Variants in GABRQ observed in about 807,000 individuals in gnomAD.
GABRQ encodes gamma-aminobutyric acid receptor subunit theta.
In GABRQ, 19 loss-of-function variants were observed where a neutral mutation model predicts 30.5. The ratio of observed to expected loss-of-function variants is 0.62; its 90% confidence interval spans 0.43 to 0.91. The LOEUF (loss-of-function observed/expected upper bound fraction) is 0.91, where lower values mean the gene tolerates loss of function less well. Ranked by LOEUF, GABRQ falls within the 40% of genes least tolerant of loss-of-function variation. GABRQ has a pLI of 0.00. For missense variants in GABRQ, 520 were observed against 521.4 expected, an observed-to-expected ratio of 1.00 and a Z score of 0.03; for synonymous variants, 187 against 210.2, an observed-to-expected ratio of 0.89 and a Z score of 0.95.
At position 152,656,422 on chromosome X, in the gene GABRQ, G is replaced by A. The variant is rs899939699; in HGVS notation, c.*3141G>A. ...CCTTCCCATCGACTTCCCCGACCCA[G>A]GATCCCTTCTTTGCCACTATCATGG... On this transcript the variant is annotated 3_prime_UTR_variant, in exon 9 of 9. Transcript: ENST00000598523. 3 of 111,749 alleles carry A rather than the reference G, an allele frequency of 2.7e-5. No individual in the cohort carries two copies. In the East Asian group the frequency reaches 8.5e-4, roughly 31 times the overall value. 9.2% of individuals were successfully genotyped at this position (111,749 alleles called of 1,213,427 possible).
intron 6 of GABRQ, among the ~76,000 whole-genome samples, 176 bp downstream of exon 6, chrX:152,650,055 G>A (rs187633105): frequency 2.9e-4 from 32 of 111,548 alleles, no homozygotes; most frequent in Admixed American, 3.8e-4. Context: ...AGGAATGGCC[G>A]TGGAAGCACT....
chrX:152,643,295 A>T (rs1556818659), intron 2 of GABRQ, among the ~76,000 whole-genome samples: 2 of 112,599 alleles, frequency 1.8e-5, no homozygotes, highest in African/African-American at 6.5e-5. Context: ...ACCCCAACAC[A>T]GAGGCTCATT....
chrX:152,643,497 A>G (rs1930807018), intron 2 of GABRQ, among the ~76,000 whole-genome samples: 1 of 112,371 alleles, frequency 8.9e-6, no homozygotes, highest in Non-Finnish European at 1.9e-5. Flanking sequence ...CATGGAGACT[A>G]AGGGCTTTGC....
At chrX:152,643,233 C>T (rs1191103252) in intron 2 of GABRQ, among the ~76,000 whole-genome samples, 4 of 112,337 alleles carry the variant, frequency 3.6e-5, no homozygotes, top group Non-Finnish European at 7.5e-5. Flanking sequence ...CACCACGTAA[C>T]ACTTTTCTGG....
chrX:152,649,849 A>G lies in GABRQ; in HGVS notation c.718A>G (p.Ile240Val), dbSNP rs1930976449. The G allele has an allele frequency of 1.7e-6, 2 of 1,201,567 alleles. No homozygotes were observed. The highest frequency in any genetic ancestry group is 1.8e-5 in the South Asian group (1 of 56,669). ...IPQFTFLGRT[I>V]TSKEVYFYTG... ...TCAGTTCACTTTCCTGGGAAGGACG[A>G]TTACTAGCAAGGAGGTGTATTTCTA... The change falls in exon 6 of 9, where the codon ATT becomes GTT. Residue 240 changes from isoleucine (I) to valine (V), a missense_variant. By Grantham distance (29) the Ile-to-Val change is conservative. Coordinates refer to ENST00000598523, the MANE Select transcript of GABRQ (RefSeq NM_018558.4).
chrX:152,644,134 C>T, intron 2 of GABRQ, among the ~76,000 whole-genome samples: 1 of 111,809 alleles, frequency 8.9e-6, no homozygotes, highest in East Asian at 2.8e-4. Flanking sequence ...CACAAACACG[C>T]TCCCACATCT....
At chrX:152,646,804 T>C (rs1409474181) in intron 3 of GABRQ, 144 bp from the exon 4 acceptor site, 3 of 456,159 alleles carry the variant, frequency 6.6e-6, no homozygotes, top group Non-Finnish European at 1.2e-5. Flanking sequence ...CTCCGTATGT[T>C]TCACGCACTT....
chrX:152,652,904 G>A lies in GABRQ; in HGVS notation c.1522G>A (p.Glu508Lys), dbSNP rs1931065994. The A allele has an allele frequency of 8.3e-7, 1 of 1,211,955 alleles. No individual in the cohort carries two copies. The highest frequency in any genetic ancestry group is 1.1e-6 in the Non-Finnish European group (1 of 895,240). The change falls in exon 9 of 9, where the codon GAG becomes AAG. Residue 508 changes from glutamate to lysine, a missense_variant. Coordinates refer to ENST00000598523, the MANE Select transcript of GABRQ (RefSeq NM_018558.4). ...EDSNESLSSDERHGHGPSGKP... is the reference protein window; with the variant it reads ...EDSNESLSSDKRHGHGPSGKP... ...TTCCAATGAGAGCTTGAGCTCGGAT[G>A]AGCGCCATGGCCATGGCCCCAGTGG... is the stretch of plus-strand genomic sequence containing the variant.
chrX:152,648,650 C>T (rs1183477719), intron 4 of GABRQ, among the ~76,000 whole-genome samples: 1 of 111,654 alleles, frequency 9.0e-6, no homozygotes, highest in Non-Finnish European at 1.9e-5. Context: ...TGTGAGCCAC[C>T]GCGCCCGGCC....
chrX:152,638,269 G>A lies in GABRQ; in HGVS notation c.67G>A (p.Gly23Ser), dbSNP rs781807016. The A allele has an allele frequency of 8.3e-7, 1 of 1,209,713 alleles. No individual in the cohort carries two copies. Among genetic ancestry groups the A allele is most frequent in the Non-Finnish European group, 1.1e-6 (1 of 893,138 alleles). ...GCTCATCAGGACCTGGCTCGCGGAG[G>A]GCAACTACCCCAGTCCCATCCCGAA... The part of the protein sequence containing the change: ...LLLIRTWLAE[G>S]NYPSPIPKFH... The change falls in exon 1 of 9, where the codon GGC (glycine) becomes AGC (serine). Residue 23 changes from glycine to serine, a missense_variant. Coordinates refer to ENST00000598523, the MANE Select transcript of GABRQ (RefSeq NM_018558.4).
At chrX:152,647,277 C>T in intron 4 of GABRQ, 109 bp downstream of exon 4, 4 of 564,315 alleles carry the variant, frequency 7.1e-6, no homozygotes, top group Admixed American at 3.1e-5. Context: ...GCTTTCCAAA[C>T]CCGTCTTGAA....
At chrX:152,638,971 G>A (rs1222530908) in intron 1 of GABRQ, among the ~76,000 whole-genome samples, 1 of 111,262 alleles carries the variant, frequency 9.0e-6, no homozygotes, top group Non-Finnish European at 1.9e-5. Context: ...GTACTTAGTC[G>A]TGTGAAAATA....
Position 152,638,341 on chromosome X carries a change from CTCT to C in GABRQ, c.142_144del (p.Phe48del). On this transcript the variant is annotated inframe_deletion, in exon 1 of 9. Coordinates refer to ENST00000598523, the MANE Select transcript of GABRQ (RefSeq NM_018558.4). ...TGCTGTGCCCGAAGTCGTCCTGAAC[CTCT>C]TCAACTGGTAAGCGGGCACCGCCAG... 2.5e-6 allele frequency: 3 copies of C among 1,210,881 alleles called. No individual in the cohort carries two copies. The highest frequency in any genetic ancestry group is 3.4e-6 in the Non-Finnish European group (3 of 894,551).
chrX:152,642,426 C>T (rs10482208), intron 2 of GABRQ, among the ~76,000 whole-genome samples: 31,076 of 110,911 alleles, frequency 0.28, 4,460 homozygotes, highest in African/African-American at 0.56. Context: ...TCCTTGCATA[C>T]GGGGGACAGT....
rs1556819093 is a variant in GABRQ at position 152,645,535 on chromosome X, G to T, written c.247G>T (p.Val83Leu). The T allele has an allele frequency of 9.0e-7, 1 of 1,108,620 alleles. No homozygotes were observed. Among genetic ancestry groups the T allele is most frequent in the Non-Finnish European group, 1.2e-6 (1 of 801,747 alleles). 91.4% of individuals were successfully genotyped at this position (1,108,620 alleles called of 1,213,427 possible). A position where few individuals can be genotyped will look rare whatever the true frequency, so the allele number is the denominator to read the frequency against. The change falls in exon 3 of 9, where the codon GTG becomes TTG. Residue 83 changes from valine (V) to leucine (L), a missense_variant. Coordinates refer to ENST00000598523, the MANE Select transcript of GABRQ (RefSeq NM_018558.4). ...RLRPNFGGAP[V>L]PVRISIYVTS... ...GTCTTTCTGTCTTCTAGGTGCCCCT[G>T]TGCCTGTGAGAATATCTATTTATGT...
At position 152,650,519 on chromosome X, in the gene GABRQ, T is replaced by C; in HGVS notation, c.840T>C (p.Thr280=). ...TCTACTGGCCTACTGTCCTCACCAC[T>C]ATTACCTCTTGGATATCGTTTTGGA... ...VQVYWPTVLT[T]ITSWISFWMN... is the part of the protein sequence containing the mutation. Residue 280 remains threonine, a synonymous_variant, in exon 7 of 9, where the codon ACT becomes ACC. Transcript: ENST00000598523. 8.3e-7 allele frequency: 1 copy of C among 1,203,257 alleles called. No individual in the cohort carries two copies. The highest frequency in any genetic ancestry group is 1.1e-6 in the Non-Finnish European group (1 of 887,976).
chrX:152,639,378 G>GCGCGCACACACACACACA (rs202009485), intron 1 of GABRQ, among the ~76,000 whole-genome samples: 1 of 103,346 alleles, frequency 9.7e-6, no homozygotes, highest in African/African-American at 3.6e-5. Flanking sequence ...ATGCGCGTGC[G>GCGCGCACACACACACACA]CACACACACA....
rs140642566 is a variant in GABRQ at position 152,656,986 on chromosome X, T to C, written c.*3705T>C. On this transcript the variant is annotated 3_prime_UTR_variant, in exon 9 of 9. Coordinates refer to ENST00000598523, the MANE Select transcript of GABRQ (RefSeq NM_018558.4). ...TGTTAAAGTCTCTCTTTGATAAACT[T>C]AAATTATGAAATAGCCCAGTTGTTC... 143 of 111,920 alleles carry C rather than the reference T, an allele frequency of 1.3e-3. No individual in the cohort carries two copies. The highest frequency in any genetic ancestry group is 4.5e-3 in the African/African-American group (137 of 30,780). 9.2% of individuals were successfully genotyped at this position (111,920 alleles called of 1,213,427 possible).
At chrX:152,640,260 T>C (rs782295891) in intron 1 of GABRQ, 118 bp from the exon 2 acceptor site, 1 of 536,343 alleles carries the variant, frequency 1.9e-6, no homozygotes, top group East Asian at 3.3e-5. Context: ...AGAGAGTGTG[T>C]ACACGTATGA....
Sources: gnomAD v4.1 joint callset for allele counts (sites outside exome capture counted in the v4.1 genomes callset) on GRCh38, gnomAD v4.1.1 for gene constraint, MANE v1.5 for transcripts, NCBI Gene and HGNC (gene_info 2026-07-23, HGNC 2026-07-21) for gene names.